The following SLC38A6 variants were observed in gnomAD, a reference collection of about 807,000 sequenced individuals.
SLC38A6 encodes N system amino acid transporter NAT-1.
A neutral mutation model predicts 65.0 loss-of-function variants in SLC38A6; 73 were observed. That is an observed-to-expected ratio of 1.12 (90% CI 0.93 to 1.37). The LOEUF is 1.37. Ranked by LOEUF, SLC38A6 falls within the 40% of genes most tolerant of loss-of-function variation. SLC38A6 has a pLI of 0.00. For missense variants in SLC38A6, 561 were observed against 531.1 expected, an observed-to-expected ratio of 1.06 and a Z score of -0.55; for synonymous variants, 183 against 178.8, an observed-to-expected ratio of 1.02 and a Z score of -0.19.
intron 3 of SLC38A6, among the ~76,000 whole-genome samples, chr14:61,005,144 G>A (rs2038998246): frequency 6.6e-6 from 1 of 152,060 alleles, no homozygotes; most frequent in Non-Finnish European, 1.5e-5. Context: ...GCCCATTCAT[G>A]CTAAAAACAA....
At chr14:61,061,821 A>AT (rs1182391390) in intron 15 of SLC38A6, among the ~76,000 whole-genome samples, 2 of 33,896 alleles carry the variant, frequency 5.9e-5, no homozygotes, top group East Asian at 4.5e-4. Context: ...ATTCGTGTGC[A>AT]GGTTTTTTTG....
intron 15 of SLC38A6, among the ~76,000 whole-genome samples, chr14:61,076,454 G>C (rs553971296): frequency 6.6e-6 from 1 of 152,272 alleles, no homozygotes; most frequent in South Asian, 2.1e-4. Flanking sequence ...CCATTTAATA[G>C]ATTAGAAATT....
chr14:61,079,775 G>T (rs1332904402), intron 16 of SLC38A6, among the ~76,000 whole-genome samples: 2 of 152,156 alleles, frequency 1.3e-5, no homozygotes, highest in Non-Finnish European at 2.9e-5. Context: ...CCACCTCAGA[G>T]ACTTCATGGT....
chr14:61,004,305 T>C (rs1279783790), intron 3 of SLC38A6: 3 of 152,166 alleles, frequency 2.0e-5, no homozygotes, highest in Non-Finnish European at 4.4e-5. Context: ...GCCTTTTTGA[T>C]GGGTATTACC....
chr14:61,069,606 T>G (rs1187726621), intron 15 of SLC38A6, among the ~76,000 whole-genome samples: 1 of 152,116 alleles, frequency 6.6e-6, no homozygotes, highest in Non-Finnish European at 1.5e-5. Flanking sequence ...TTCTCATTCT[T>G]CAACACCCAG....
Position 61,029,012 on chromosome 14 carries a change from A to G in SLC38A6, c.404-1433A>G, listed in dbSNP as rs186930298. On this transcript the variant is annotated intron_variant, in intron 5 of 15. Transcript: ENST00000267488. ...TTAAACTATTTGAGCCTTTTAATCA[A>G]TTTTTCCCCAGATTTTTGCCATTGA... Among the ~76,000 whole-genome samples the G allele has an allele frequency of 2.6e-3, 398 of 152,054 alleles. 1 individual carries two copies. Among genetic ancestry groups the G allele is most frequent in the Non-Finnish European group, 4.6e-3 (312 of 67,976 alleles).
At chr14:61,001,219 G>A (rs904690027) in intron 3 of SLC38A6, among the ~76,000 whole-genome samples, 1 of 152,150 alleles carries the variant, frequency 6.6e-6, no homozygotes. Context: ...GTGGGTAAAG[G>A]CCAGGAATGA....
rs552002634 is a variant in SLC38A6, at chr14:61,071,809, G to T, written c.1291-7001G>T. Among the ~76,000 whole-genome samples, 4 of 152,078 alleles carry T rather than the reference G, an allele frequency of 2.6e-5. 1 individual carries two copies. Among genetic ancestry groups the T allele is most frequent in the South Asian group, 4.1e-4 (2 of 4,824 alleles). ...TTAAATACTTTACCTCTCTGACTCC[G>T]TTGTAATTAACCCAAAGACAGGAAC... On this transcript the variant is annotated intron_variant, in intron 15 of 16. Transcript: ENST00000354886.
Position 61,030,451 on chromosome 14 carries a change from C to G in SLC38A6, c.410C>G (p.Ser137Ter), listed in dbSNP as rs188252997. The change falls in exon 6 of 16, where the codon TCA becomes TGA. Residue 137 changes from serine (S) to a stop codon, truncating the protein, a stop_gained. Coordinates refer to ENST00000267488, the MANE Select transcript of SLC38A6 (RefSeq NM_153811.3). LOFTEE classifies it high-confidence loss of function. ...ACTATTTATTCTTTTGCAGCTATGT[C>G]ATCTTATCTTTTAATTATTAAAACA... ...TIIIQNIGAM[S>*]SYLLIIKTEL... 20 of 1,606,944 alleles carry G rather than the reference C, an allele frequency of 1.2e-5. No individual in the cohort carries two copies. In the African/African-American group the frequency reaches 2.3e-4, roughly 18 times the overall value.
intron 6 of SLC38A6, among the ~76,000 whole-genome samples, chr14:61,031,537 T>A (rs575499876): frequency 6.6e-6 from 1 of 152,236 alleles, no homozygotes; most frequent in African/African-American, 2.4e-5. Flanking sequence ...CCTAAATGAT[T>A]TCTCTTCATC....
At chr14:61,049,603 T>C (rs1034276060) in intron 12 of SLC38A6, among the ~76,000 whole-genome samples, 43 of 152,200 alleles carry the variant, frequency 2.8e-4, no homozygotes, top group Admixed American at 2.7e-3. Flanking sequence ...GCCACTTACA[T>C]GTGTATATCA....
At chr14:61,016,851 G>A (rs1362222599) in intron 4 of SLC38A6, among the ~76,000 whole-genome samples, 1 of 151,982 alleles carries the variant, frequency 6.6e-6, no homozygotes, top group Non-Finnish European at 1.5e-5. Flanking sequence ...ATTGTAGAAT[G>A]GCTAAATTGA....
intron 6 of SLC38A6, among the ~76,000 whole-genome samples, chr14:61,036,104 A>G (rs763272768): frequency 2.0e-5 from 3 of 152,092 alleles, no homozygotes; most frequent in Admixed American, 1.3e-4. Context: ...AAAATGACCT[A>G]TTATTTTACC....
chr14:61,064,716 G>A (rs191619647), intron 15 of SLC38A6, among the ~76,000 whole-genome samples: 328 of 150,774 alleles, frequency 2.2e-3, no homozygotes, highest in Non-Finnish European at 3.8e-3. Flanking sequence ...GGAAATATGG[G>A]CCTTCTCATT....
rs762639254 is a variant in SLC38A6, at chr14:61,045,311, A to G, written c.745-35A>G. 3.7e-6 allele frequency: 5 copies of G among 1,367,450 alleles called. No individual in the cohort carries two copies. In the Admixed American group the frequency reaches 8.7e-5, roughly 24 times the overall value. 84.7% of individuals were successfully genotyped at this position (1,367,450 alleles called of 1,614,324 possible). Reference sequence around the variant, plus strand: ...GAAATAATGGTTTCAGTAGAGTGGCATTTAATAATTTTGTCTCTTTAAAAT... The same window carrying G: ...GAAATAATGGTTTCAGTAGAGTGGCGTTTAATAATTTTGTCTCTTTAAAAT... On this transcript the variant is annotated intron_variant, in intron 10 of 15. Coordinates refer to ENST00000267488, the MANE Select transcript of SLC38A6 (RefSeq NM_153811.3).
chr14:61,000,556 G>A (rs1161570662), intron 3 of SLC38A6, among the ~76,000 whole-genome samples: 2 of 152,128 alleles, frequency 1.3e-5, no homozygotes, highest in African/African-American at 2.4e-5. Context: ...GCTTGAACCC[G>A]AGATGCAGAG....
At chr14:60,987,014 T>G (rs747371960) in intron 3 of SLC38A6, 15 of 298,176 alleles carry the variant, frequency 5.0e-5, no homozygotes, top group South Asian at 2.7e-4. Context: ...TGAATATATC[T>G]GTTTCTCTTC....
intron 15 of SLC38A6, among the ~76,000 whole-genome samples, chr14:61,072,037 G>A (rs1338980268): frequency 6.6e-6 from 1 of 152,072 alleles, no homozygotes; most frequent in African/African-American, 2.4e-5. Flanking sequence ...TCTATTTTGT[G>A]TTGCTGGAGC....
At chr14:61,030,729 G>C in intron 6 of SLC38A6, 1 of 433,756 alleles carries the variant, frequency 2.3e-6, no homozygotes, top group Non-Finnish European at 4.1e-6. Context: ...GCGCTGTTCT[G>C]TGAACCATAT....
Sources: gnomAD v4.1 joint callset for allele counts (sites outside exome capture counted in the v4.1 genomes callset) on GRCh38, gnomAD v4.1.1 for gene constraint, MANE v1.5 for transcripts, NCBI Gene and HGNC (gene_info 2026-07-23, HGNC 2026-07-21) for gene names.